Variants in MACROD2 observed in about 807,000 individuals in gnomAD.
MACROD2 encodes the protein ADP-ribose glycohydrolase MACROD2.
Under a neutral mutation model 70.4 loss-of-function variants are expected in MACROD2, and 36 were observed. The ratio of observed to expected loss-of-function variants is 0.51; its 90% CI spans 0.39 to 0.68. The LOEUF is 0.68. MACROD2 is among the 30% of genes least tolerant of loss of function. The pLI is 0.00. For synonymous variants in MACROD2, 172 were observed against 178.8 expected, an observed-to-expected ratio of 0.96 and a Z score of 0.30; for missense variants, 496 against 538.4, an observed-to-expected ratio of 0.92 and a Z score of 0.78.
At chr20:14,242,877 A>C (rs1195179773) in intron 3 of MACROD2, among the ~76,000 whole-genome samples, 1 of 152,196 alleles carries the variant, frequency 6.6e-6, no homozygotes, top group Non-Finnish European at 1.5e-5. Flanking sequence ...AAGGATTTTC[A>C]TCCATTATTC....
At chr20:14,727,543 AAGAG>A (rs146243301) in intron 5 of MACROD2, among the ~76,000 whole-genome samples, 30 of 150,896 alleles carry the variant, frequency 2.0e-4, no homozygotes, top group African/African-American at 4.8e-4. Flanking sequence ...TCAAAACAGA[AAGAG>A]AGAGAGAGAG....
At chr20:15,459,563 T>G (rs890374335) in intron 7 of MACROD2, among the ~76,000 whole-genome samples, 1 of 152,150 alleles carries the variant, frequency 6.6e-6, no homozygotes, top group East Asian at 1.9e-4. Context: ...CAGTCTTGAT[T>G]TTTTGAACTG....
intron 6 of MACROD2, among the ~76,000 whole-genome samples, chr20:15,375,234 CT>C (rs2045546490): frequency 6.6e-6 from 1 of 152,150 alleles, no homozygotes; most frequent in African/African-American, 2.4e-5. Context: ...ATAACACTTA[CT>C]GACATAATAA....
intron 5 of MACROD2, among the ~76,000 whole-genome samples, chr20:14,890,778 A>AT (rs1278566577): frequency 6.0e-4 from 16 of 26,818 alleles, no homozygotes; most frequent in Non-Finnish European, 7.0e-4. Flanking sequence ...AATAATAAAA[A>AT]TTAAAAAAAA....
At chr20:14,150,670 T>C (rs2055006761) in intron 3 of MACROD2, among the ~76,000 whole-genome samples, 1 of 152,200 alleles carries the variant, frequency 6.6e-6, no homozygotes, top group South Asian at 2.1e-4. Flanking sequence ...TGGATTTTTA[T>C]CTTCTTTCGG....
chr20:14,095,243 A>G (rs531522000), intron 3 of MACROD2, among the ~76,000 whole-genome samples: 2 of 152,272 alleles, frequency 1.3e-5, no homozygotes, highest in African/African-American at 2.4e-5. Flanking sequence ...ATTTTTACCA[A>G]AATGAAATCA....
At chr20:14,877,308 T>C (rs190903006) in intron 5 of MACROD2, among the ~76,000 whole-genome samples, 67 of 152,290 alleles carry the variant, frequency 4.4e-4, no homozygotes, top group African/African-American at 1.6e-3. Flanking sequence ...TGATTTTATA[T>C]CCTGAAACTT....
Position 14,766,257 on chromosome 20 carries a change from A to G in MACROD2, c.418+81298A>G, listed in dbSNP as rs1037134752. Among the ~76,000 whole-genome samples, 3 of 152,220 alleles carry G rather than the reference A, an allele frequency of 2.0e-5. 1 individual carries two copies. Among genetic ancestry groups the G allele is most frequent in the East Asian group, 1.9e-4 (1 of 5,182 alleles). On this transcript the variant is annotated intron_variant, in intron 5 of 17. Coordinates refer to ENST00000684519, the MANE Select transcript of MACROD2 (RefSeq NM_001351661.2). ...GCCAATGAGTATCTGACCATCGCCC[A>G]TGCTATACTTCCCTCATTTAGAATG...
At chr20:16,017,265 A>G (rs1424438439) in intron 15 of MACROD2, among the ~76,000 whole-genome samples, 1 of 152,146 alleles carries the variant, frequency 6.6e-6, no homozygotes, top group Non-Finnish European at 1.5e-5. Context: ...CTGAAATGCC[A>G]ACCTCCACAC....
intron 5 of MACROD2, among the ~76,000 whole-genome samples, chr20:15,016,182 A>C (rs866885949): frequency 2.6e-5 from 4 of 152,190 alleles, no homozygotes; most frequent in South Asian, 4.1e-4. Flanking sequence ...AAATCCTTCT[A>C]TCTTGAATAC....
chr20:14,704,592 T>G (rs2071246031), intron 5 of MACROD2, among the ~76,000 whole-genome samples: 1 of 152,174 alleles, frequency 6.6e-6, no homozygotes, highest in Admixed American at 6.5e-5. Flanking sequence ...ATCCACCTAT[T>G]CAAATCCTGC....
At chr20:15,514,102 T>A (rs1202780883) in intron 8 of MACROD2, among the ~76,000 whole-genome samples, 1 of 152,210 alleles carries the variant, frequency 6.6e-6, no homozygotes, top group African/African-American at 2.4e-5. Flanking sequence ...GTGTTTCTAT[T>A]TTAAACTGTG....
chr20:15,912,572 T>C (rs765772043), intron 10 of MACROD2, among the ~76,000 whole-genome samples: 4 of 152,248 alleles, frequency 2.6e-5, no homozygotes, highest in Non-Finnish European at 5.9e-5. Context: ...CAGTGTGTTG[T>C]ATTTCCAAAT....
intron 5 of MACROD2, among the ~76,000 whole-genome samples, chr20:14,978,963 A>T (rs961797412): frequency 1.7e-4 from 25 of 146,254 alleles, no homozygotes; most frequent in Non-Finnish European, 3.3e-4. Flanking sequence ...ATATATATAT[A>T]TTTAAGAGAC....
intron 5 of MACROD2, among the ~76,000 whole-genome samples, chr20:14,903,682 T>A (rs1402429520): frequency 1.3e-5 from 2 of 152,068 alleles, no homozygotes; most frequent in Admixed American, 1.3e-4. Context: ...TGACAAATAA[T>A]CCCCACATTT....
intron 5 of MACROD2, among the ~76,000 whole-genome samples, chr20:15,093,977 C>T (rs1240738413): frequency 1.3e-5 from 2 of 152,138 alleles, no homozygotes; most frequent in African/African-American, 2.4e-5. Context: ...ATCACCTGGG[C>T]TTCTTTAGGA....
chr20:14,480,864 A>T (rs887591156), intron 3 of MACROD2, among the ~76,000 whole-genome samples: 3 of 152,174 alleles, frequency 2.0e-5, no homozygotes, highest in Admixed American at 6.5e-5. Context: ...CTTACAGTCG[A>T]TATAAATATA....
chr20:15,707,221 C>A (rs6043472), intron 8 of MACROD2, among the ~76,000 whole-genome samples: 43,711 of 152,008 alleles, frequency 0.29, 7,869 homozygotes, highest in African/African-American at 0.52. Context: ...TTAAGTAGTC[C>A]TTCTCAAAGT....
intron 8 of MACROD2, among the ~76,000 whole-genome samples, chr20:15,604,927 G>A (rs146431414): frequency 6.6e-6 from 1 of 152,234 alleles, no homozygotes; most frequent in East Asian, 1.9e-4. Flanking sequence ...TTTTTAAGTA[G>A]TGACCCTTTA....
Sources: allele counts gnomAD v4.1 joint callset (sites outside exome capture counted in the v4.1 genomes callset), GRCh38; gene constraint gnomAD v4.1.1; transcripts MANE v1.5; gene names NCBI Gene and HGNC (gene_info 2026-07-23, HGNC 2026-07-21).